NAV1: variants seen among roughly 807,000 people sequenced by gnomAD.
NAV1 encodes neuron navigator 1, also known as pore membrane and/or filament interacting like protein 3.
In NAV1, 18 loss-of-function variants were observed where a neutral mutation model predicts 175.2. The ratio of observed to expected loss-of-function variants is 0.10; its 90% CI spans 0.07 to 0.15. NAV1 has a LOEUF of 0.15. NAV1 is among the 10% of genes least tolerant of loss of function. The probability of loss-of-function intolerance (pLI) is 1.00; values close to 1 mark genes in which losing one functional copy is unlikely to be tolerated. For missense variants in NAV1, 1,731 were observed against 2,436.6 expected (o/e 0.71, Z 6.10); for synonymous variants, 897 against 978.7 (o/e 0.92, Z 1.56).
intron 1 of NAV1, among the ~76,000 whole-genome samples, chr1:201,693,534 C>T (rs1671047266): frequency 6.6e-6 from 1 of 152,166 alleles, no homozygotes; most frequent in South Asian, 2.1e-4. Flanking sequence ...AAGGAGTTGT[C>T]ACTGCAAAGG....
chr1:201,738,584 C>T (rs1245754840), intron 3 of NAV1, among the ~76,000 whole-genome samples: 1 of 152,080 alleles, frequency 6.6e-6, no homozygotes, highest in Non-Finnish European at 1.5e-5. Flanking sequence ...GTTCCTAGGA[C>T]TCAAAGCACC....
At position 201,787,803 on chromosome 1, in the gene NAV1, A is replaced by G; in HGVS notation, c.2996-665A>G. 1 of 438,182 alleles carries G rather than the reference A, an allele frequency of 2.3e-6. No individual in the cohort carries two copies. Among genetic ancestry groups the G allele is most frequent in the South Asian group, 1.6e-5 (1 of 61,558 alleles). 27.1% of individuals were successfully genotyped at this position (438,182 alleles called of 1,614,324 possible). On this transcript the variant is annotated intron_variant, in intron 9 of 29. Coordinates refer to ENST00000367296, the Ensembl canonical transcript of NAV1. The surrounding 1 kb of genome is among the most constrained non-coding windows in gnomAD (Gnocchi z 4.3). Reference sequence around the variant, plus strand: ...CTGCAGGTTAACGGGATTCAGCTGAACCCAGCTTCAAAGCACATTCCACAA... The same window carrying G: ...CTGCAGGTTAACGGGATTCAGCTGAGCCCAGCTTCAAAGCACATTCCACAA...
Position 201,750,853 on chromosome 1 carries a change from C to T in NAV1, c.1227-29568C>T, listed in dbSNP as rs542973018. The stretch of plus-strand genomic sequence containing the variant: ...CCCCTTTTCTAAATTGAGAAGTGGT[C>T]TGGATCTACCCTGTATCAGAACAGG... On this transcript the variant is annotated intron_variant, in intron 3 of 29. Transcript: ENST00000367296. The surrounding 1 kb of genome is among the most constrained non-coding windows in gnomAD (Gnocchi z 4.1). Among the ~76,000 whole-genome samples, 6 of 152,020 alleles carry T rather than the reference C, an allele frequency of 3.9e-5. No homozygotes were observed. Among genetic ancestry groups the T allele is most frequent in the African/African-American group, 1.4e-4 (6 of 41,386 alleles).
intron 1 of NAV1, among the ~76,000 whole-genome samples, chr1:201,550,646 T>C (rs1189092628): frequency 6.6e-6 from 1 of 152,240 alleles, no homozygotes; most frequent in Non-Finnish European, 1.5e-5. Flanking sequence ...AAGTTAAGTA[T>C]TGAAGAAGTT....
intron 2 of NAV1, among the ~76,000 whole-genome samples, chr1:201,638,832 C>G (rs1349366599): frequency 6.6e-6 from 1 of 152,166 alleles, no homozygotes; most frequent in African/African-American, 2.4e-5. Context: ...ATAGGAGGTG[C>G]TTAGTAACTG....
At chr1:201,790,905 A>G (rs1027519915) in intron 13 of NAV1, 139 bp downstream of exon 17, 3 of 722,386 alleles carry the variant, frequency 4.2e-6, no homozygotes, top group Non-Finnish European at 6.9e-6. Context: ...TCACAGCTCT[A>G]TGATAGAAGA....
intron 2 of NAV1, among the ~76,000 whole-genome samples, chr1:201,595,214 CTGCTTATT>C (rs1393487319): frequency 6.6e-6 from 1 of 152,220 alleles, no homozygotes. Flanking sequence ...GCTGCAAAGC[CTGCTTATT>C]TGGGTTCAAT....
Position 201,782,773 on chromosome 1 carries a change from C to T in NAV1, c.2261C>T (p.Ser754Phe), listed in dbSNP as rs777919003. 6.2e-7 allele frequency: 1 copy of T among 1,614,124 alleles called. No homozygotes were observed. The highest frequency in any genetic ancestry group is 2.2e-5 in the East Asian group (1 of 44,870). ...GTGGCCTTGGACTCAGACAACATCT[C>T]CTTGAAGAGTATTGGCTCCCCAGAA... The change falls in exon 6 of 30, where the codon TCC becomes TTC. Residue 754 changes from serine to phenylalanine, a missense_variant. By Grantham distance (155) the Ser-to-Phe change is radical. This residue lies in a region of NAV1 where 634 missense variants were observed against 766.8 expected (regional missense o/e 0.83). Coordinates refer to ENST00000367296, the Ensembl canonical transcript of NAV1. The surrounding 1 kb of genome is among the most constrained non-coding windows in gnomAD (Gnocchi z 5.4).
Position 201,817,374 on chromosome 1 carries a change from A to AC in NAV1, c.5538+90dup. ...GGTGGCTCACACCTGTAATCCCAGC[A>AC]CTTTGAGAGGCTGAGGTGGGAGGAT... On this transcript the variant is annotated intron_variant, in intron 29 of 29. Coordinates refer to ENST00000367296, the Ensembl canonical transcript of NAV1. 7.4e-6 allele frequency: 9 copies of AC among 1,222,900 alleles called. No homozygotes were observed. In the South Asian group the frequency reaches 1.3e-4, roughly 17 times the overall value. The allele number at this position is 1,222,900 out of a possible 1,614,324, so 75.8% of individuals were successfully genotyped here. A position where few individuals can be genotyped will look rare whatever the true frequency, so the allele number is the denominator to read the frequency against.
At chr1:201,695,826 C>G (rs1406819175) in intron 1 of NAV1, among the ~76,000 whole-genome samples, 1 of 152,218 alleles carries the variant, frequency 6.6e-6, no homozygotes, top group Non-Finnish European at 1.5e-5. Context: ...AGGCCTGAGA[C>G]CCCACCCTGC....
intron 1 of NAV1, among the ~76,000 whole-genome samples, chr1:201,653,493 A>AT (rs1053685835): frequency 6.7e-6 from 1 of 149,978 alleles, no homozygotes; most frequent in African/African-American, 2.5e-5. Context: ...ATTGATGTGA[A>AT]TTTTTTGGGG....
chr1:201,770,194 C>G (rs1333918402), intron 3 of NAV1, among the ~76,000 whole-genome samples: 1 of 152,214 alleles, frequency 6.6e-6, no homozygotes, highest in African/African-American at 2.4e-5. Flanking sequence ...GTGCTTTTCC[C>G]AGAGGGGAGG....
rs563841099 is a variant in NAV1, at chr1:201,813,058, C to T, written c.5222-82C>T. 5.8e-4 allele frequency: 573 copies of T among 993,902 alleles called. No individual in the cohort carries two copies. The highest frequency in any genetic ancestry group is 3.9e-3 in the East Asian group (163 of 41,970). 61.6% of individuals were successfully genotyped at this position (993,902 alleles called of 1,614,324 possible). A position where few individuals can be genotyped will look rare whatever the true frequency, so the allele number is the denominator to read the frequency against. On this transcript the variant is annotated intron_variant, in intron 27 of 29. Transcript: ENST00000367296. The surrounding 1 kb of genome is among the most constrained non-coding windows in gnomAD (Gnocchi z 4.2). ...TCCTTTGACTGTCAGACCCCTCTGC[C>T]TGGTACTAAGGAGTAAAAGAGGCAC...
Position 201,782,218 on chromosome 1 carries a change from T to G in NAV1, c.1706T>G (p.Val569Gly), listed in dbSNP as rs773771686. 2 of 1,611,178 alleles carry G rather than the reference T, an allele frequency of 1.2e-6. No homozygotes were observed. The highest frequency in any genetic ancestry group is 1.7e-6 in the Non-Finnish European group (2 of 1,178,890). Reference sequence around the variant, plus strand: ...GCTACAGACAAGGGTAAGCTTGCAGTGAAGAATACTGGGCTCCAACGCTCC... The same window carrying G: ...GCTACAGACAAGGGTAAGCTTGCAGGGAAGAATACTGGGCTCCAACGCTCC... The change falls in exon 6 of 30, where the codon GTG (valine) becomes GGG (glycine). Residue 569 changes from valine to glycine, a missense_variant. Physicochemically the swap from Val to Gly is moderately radical, Grantham distance 109 (BLOSUM62 -3). Coordinates refer to ENST00000367296, the Ensembl canonical transcript of NAV1. This position sits in a 1 kb window ranked among gnomAD's most constrained non-coding sequence, Gnocchi z 5.4.
intron 15 of NAV1, among the ~76,000 whole-genome samples, chr1:201,800,701 T>C (rs577088144): frequency 4.6e-5 from 7 of 152,222 alleles, no homozygotes; most frequent in African/African-American, 1.4e-4. Flanking sequence ...TAAGAACTGC[T>C]AATAGTTTTA....
At chr1:201,758,063 C>T (rs555560179) in intron 3 of NAV1, among the ~76,000 whole-genome samples, 3 of 152,278 alleles carry the variant, frequency 2.0e-5, no homozygotes, top group African/African-American at 7.2e-5. Context: ...CTTGTCCTCA[C>T]CATGAGGGAT....
intron 1 of NAV1, among the ~76,000 whole-genome samples, chr1:201,670,578 GTTTGA>G (rs139575707): frequency 0.15 from 22,221 of 150,744 alleles, 1,764 homozygotes; most frequent in African/African-American, 0.21. Flanking sequence ...GATGGTGATG[GTTTGA>G]TGATAGAGAT....
chr1:201,751,883 G>C (rs555493155), intron 3 of NAV1, among the ~76,000 whole-genome samples: 1 of 152,292 alleles, frequency 6.6e-6, no homozygotes, highest in East Asian at 1.9e-4. Flanking sequence ...ACTTCATCCA[G>C]TTATTGTTTA....
rs1208032555 is a variant in NAV1, at chr1:201,777,861, G to C, written c.1227-2560G>C. ...GAGGCACAAGAATCAATTGAACCTG[G>C]GAGGCGAAGGCTGCAATGAGCTGAG... On this transcript the variant is annotated intron_variant, in intron 3 of 29. Coordinates refer to ENST00000367296, the Ensembl canonical transcript of NAV1. 2.0e-5 allele frequency among the ~76,000 whole-genome samples: 3 copies of C among 152,000 alleles called. No homozygotes were observed. In the East Asian group the frequency reaches 5.8e-4, roughly 29 times the overall value.
Sources: allele counts gnomAD v4.1 joint callset (sites outside exome capture counted in the v4.1 genomes callset), GRCh38; gene constraint gnomAD v4.1.1; regional missense constraint gnomAD v4.1.1; non-coding constraint Gnocchi (gnomAD v3.1); transcripts MANE v1.5; gene names NCBI Gene and HGNC (gene_info 2026-07-23, HGNC 2026-07-21).